Variants in KCTD8 observed in about 807,000 individuals in gnomAD.
KCTD8 encodes the protein BTB/POZ domain-containing protein KCTD8.
A neutral mutation model predicts 31.5 loss-of-function variants in KCTD8; 27 were observed. The observed-to-expected ratio is 0.86, with a 90% CI of 0.63 to 1.18. KCTD8 has a LOEUF of 1.18. Among genes scored for constraint, KCTD8 ranks in the 50% most tolerant of loss-of-function variants. The pLI is 0.00. For missense variants in KCTD8, 658 were observed against 647.7 expected, an observed-to-expected ratio of 1.02 and a Z score of -0.17; for synonymous variants, 290 against 280.0, an observed-to-expected ratio of 1.04 and a Z score of -0.36.
At chr4:44,398,502 C>T (rs1720566138) in intron 1 of KCTD8, among the ~76,000 whole-genome samples, 1 of 152,188 alleles carries the variant, frequency 6.6e-6, no homozygotes, top group South Asian at 2.1e-4. Flanking sequence ...TGTGGATCAA[C>T]TATATTCTAG....
In KCTD8 at chr4:44,447,780, G is replaced by A. The variant is rs911454417; in HGVS notation, c.744C>T (p.Phe248=). 5 of 1,610,428 alleles carry A rather than the reference G, an allele frequency of 3.1e-6. No individual in the cohort carries two copies. The African/African-American group carries it at 5.3e-5, about 17-fold the overall frequency. Residue 248 remains phenylalanine (F), a synonymous_variant, in exon 1 of 2, where the codon TTC becomes TTT. Coordinates refer to ENST00000360029, the MANE Select transcript of KCTD8 (RefSeq NM_198353.3). The part of the protein sequence containing the change: ...CGRIALAKEV[F]GDTLNESRDP... ...CGCGGCTCTCGTTGAGCGTGTCCCCGAAGACCTCCTTGGCCAGCGCGATGC... is the reference window on the plus strand; with the variant it reads ...CGCGGCTCTCGTTGAGCGTGTCCCCAAAGACCTCCTTGGCCAGCGCGATGC...
At chr4:44,336,149 CAAAAAAAAAAAA>C (rs58161667) in intron 1 of KCTD8, among the ~76,000 whole-genome samples, 2 of 46,526 alleles carry the variant, frequency 4.3e-5, no homozygotes, top group East Asian at 5.9e-4. Context: ...GACTCCGTCT[CAAAAAAAAAAAA>C]AAAAAAAAAA....
intron 1 of KCTD8, among the ~76,000 whole-genome samples, chr4:44,381,960 CA>C (rs1720077050): frequency 6.6e-6 from 1 of 151,946 alleles, no homozygotes; most frequent in Admixed American, 6.6e-5. Flanking sequence ...AACTCAAGAA[CA>C]GACTAATACA....
intron 1 of KCTD8, among the ~76,000 whole-genome samples, chr4:44,177,286 C>T (rs923713962): frequency 1.3e-5 from 2 of 152,054 alleles, no homozygotes; most frequent in Non-Finnish European, 2.9e-5. Context: ...AACCCCACCC[C>T]ACCCCCAGGA....
At chr4:44,189,142 G>A (rs940657946) in intron 1 of KCTD8, among the ~76,000 whole-genome samples, 22 of 152,034 alleles carry the variant, frequency 1.4e-4, no homozygotes, top group African/African-American at 5.1e-4. Flanking sequence ...AGGCTCTATC[G>A]AATTATCTTC....
chr4:44,266,920 C>A, intron 1 of KCTD8, among the ~76,000 whole-genome samples: 1 of 151,742 alleles, frequency 6.6e-6, no homozygotes, highest in East Asian at 1.9e-4. Flanking sequence ...TACAAAGAGA[C>A]TTAGACTCCC....
chr4:44,290,627 C>T (rs1163719164), intron 1 of KCTD8, among the ~76,000 whole-genome samples: 2 of 151,944 alleles, frequency 1.3e-5, no homozygotes, highest in African/African-American at 2.4e-5. Context: ...GACCACAGTG[C>T]AATAAAAATA....
chr4:44,197,022 C>G (rs1473567430), intron 1 of KCTD8, among the ~76,000 whole-genome samples: 7 of 152,184 alleles, frequency 4.6e-5, no homozygotes, highest in Non-Finnish European at 1.0e-4. Context: ...AACTTGCTAG[C>G]TTGGGCTTCC....
At chr4:44,336,784 T>A (rs529046001) in intron 1 of KCTD8, among the ~76,000 whole-genome samples, 1 of 152,112 alleles carries the variant, frequency 6.6e-6, no homozygotes, top group South Asian at 2.1e-4. Flanking sequence ...AAATGTATGA[T>A]ATCTACATAC....
At chr4:44,370,823 G>T (rs1468737840) in intron 1 of KCTD8, among the ~76,000 whole-genome samples, 1 of 152,138 alleles carries the variant, frequency 6.6e-6, no homozygotes, top group Non-Finnish European at 1.5e-5. Flanking sequence ...GGGAGAAGGA[G>T]GTAGAAATGA....
chr4:44,187,867 G>A (rs80281170), intron 1 of KCTD8, among the ~76,000 whole-genome samples: 3,254 of 151,982 alleles, frequency 0.021, 38 homozygotes, highest in Middle Eastern at 0.065. Flanking sequence ...GTAAATTATT[G>A]TCGCCTGTTA....
At chr4:44,226,150 T>C (rs1714956106) in intron 1 of KCTD8, among the ~76,000 whole-genome samples, 1 of 152,076 alleles carries the variant, frequency 6.6e-6, no homozygotes, top group Non-Finnish European at 1.5e-5. Context: ...GTTTTAAGCC[T>C]CATTTGCATT....
intron 1 of KCTD8, among the ~76,000 whole-genome samples, chr4:44,296,160 A>G (rs1046881244): frequency 6.6e-6 from 1 of 152,148 alleles, no homozygotes; most frequent in African/African-American, 2.4e-5. Flanking sequence ...TTTTGTTTTG[A>G]AATCTAGACA....
intron 1 of KCTD8, among the ~76,000 whole-genome samples, chr4:44,349,071 G>GCCA (rs200999276): frequency 0.42 from 56,656 of 136,138 alleles, 11,983 homozygotes; most frequent in Middle Eastern, 0.57. Context: ...CGCTGCCACC[G>GCCA]CCACCACCAC....
intron 1 of KCTD8, among the ~76,000 whole-genome samples, chr4:44,218,646 A>G (rs1339248172): frequency 6.6e-6 from 1 of 150,960 alleles, no homozygotes; most frequent in Non-Finnish European, 1.5e-5. Context: ...TAAAGAAAAA[A>G]AAATTAAAAA....
intron 1 of KCTD8, among the ~76,000 whole-genome samples, chr4:44,368,391 A>AAAAAT (rs80190606): frequency 0.12 from 18,179 of 151,420 alleles, 1,239 homozygotes; most frequent in East Asian, 0.23. Context: ...TCTCAAAGAA[A>AAAAAT]AAAATAAAAT....
At chr4:44,233,530 G>C (rs889609707) in intron 1 of KCTD8, among the ~76,000 whole-genome samples, 1 of 152,102 alleles carries the variant, frequency 6.6e-6, no homozygotes, top group Non-Finnish European at 1.5e-5. Context: ...GATTAAATTT[G>C]CTTCAACATG....
intron 1 of KCTD8, among the ~76,000 whole-genome samples, chr4:44,372,484 A>G (rs1017424786): frequency 6.6e-6 from 1 of 152,226 alleles, no homozygotes; most frequent in Non-Finnish European, 1.5e-5. Flanking sequence ...AGAGGAGGTG[A>G]CAGAAGAGCA....
chr4:44,346,529 A>C (rs1036127916), intron 1 of KCTD8, among the ~76,000 whole-genome samples: 8 of 152,192 alleles, frequency 5.3e-5, no homozygotes, highest in African/African-American at 1.9e-4. Context: ...ATGGTTAATT[A>C]ATTAAAAAAA....
Sources: allele counts gnomAD v4.1 joint callset (sites outside exome capture counted in the v4.1 genomes callset), GRCh38; gene constraint gnomAD v4.1.1; transcripts MANE v1.5; gene names NCBI Gene and HGNC (gene_info 2026-07-23, HGNC 2026-07-21).